The following SLC12A7 variants were observed in gnomAD, a reference collection of about 807,000 sequenced individuals.
The protein encoded by SLC12A7 is K-Cl cotransporter 4.
A neutral mutation model predicts 120.6 loss-of-function variants in SLC12A7; 100 were observed. The ratio of observed to expected loss-of-function variants is 0.83; its 90% CI spans 0.71 to 0.98. The LOEUF (loss-of-function observed/expected upper bound fraction) is 0.98, where lower values mean the gene tolerates loss of function less well. Ranked by LOEUF, SLC12A7 falls within the 50% of genes least tolerant of loss-of-function variation. The pLI is 0.00. For synonymous variants in SLC12A7, 760 were observed against 678.0 expected, an observed-to-expected ratio of 1.12 and a Z score of -1.88; for missense variants, 1,373 against 1,548.1, an observed-to-expected ratio of 0.89 and a Z score of 1.90.
intron 8 of SLC12A7, 101 bp downstream of exon 8, chr5:1,083,644 T>C (rs1739468277): frequency 4.8e-6 from 6 of 1,241,440 alleles, no homozygotes; most frequent in South Asian, 1.2e-5. Context: ...GCAGGAGGAA[T>C]TGGGGCCCTG....
At chr5:1,139,571 T>C in the SLC12A7 span, among the ~76,000 whole-genome samples, 1 of 152,196 alleles carries the variant, frequency 6.6e-6, no homozygotes, top group African/African-American at 2.4e-5. Flanking sequence ...CCTCGAGAAC[T>C]GTTTGGGCAG....
At chr5:1,064,869 G>A (rs539109277) in intron 18 of SLC12A7, among the ~76,000 whole-genome samples, 1 of 137,538 alleles carries the variant, frequency 7.3e-6, no homozygotes, top group African/African-American at 2.7e-5. Flanking sequence ...CGAGGGGACA[G>A]CGAGGGGACG....
At position 1,055,734 on chromosome 5, in the gene SLC12A7, C is replaced by T. The variant is rs937404070; in HGVS notation, c.3026+1737G>A. Among the ~76,000 whole-genome samples the T allele has an allele frequency of 1.1e-4, 17 of 152,242 alleles. 1 individual carries two copies. The highest frequency in any genetic ancestry group is 2.6e-4 in the Admixed American group (4 of 15,286). On this transcript the variant is annotated intron_variant, in intron 22 of 23. Coordinates refer to ENST00000264930, the MANE Select transcript of SLC12A7 (RefSeq NM_006598.3). ...TGTGTGTGCCTGTGCATGTGTGTGTCAAACCCTACTCCTGGGTCTACGTCG... is the reference window on the plus strand; with the variant it reads ...TGTGTGTGCCTGTGCATGTGTGTGTTAAACCCTACTCCTGGGTCTACGTCG...
Position 1,081,739 on chromosome 5 carries a change from G to A in SLC12A7, c.1135C>T (p.Leu379=), listed in dbSNP as rs1196628362. ...GAASGVFLEN[L]WSTYAHAGAF... ...CCCGCGTGCGCGTACGTACTCCACAGGTTCTCTGCCGGGCAAGGAAGATCC... is the reference window on the plus strand; with the variant it reads ...CCCGCGTGCGCGTACGTACTCCACAAGTTCTCTGCCGGGCAAGGAAGATCC... The change falls in exon 9 of 24, where the codon CTG becomes TTG. Residue 379 remains leucine, a synonymous_variant. Coordinates refer to ENST00000264930, the MANE Select transcript of SLC12A7 (RefSeq NM_006598.3). 2 of 1,611,034 alleles carry A rather than the reference G, an allele frequency of 1.2e-6. No homozygotes were observed. The highest frequency in any genetic ancestry group is 1.7e-6 in the Non-Finnish European group (2 of 1,178,520).
At chr5:1,082,695 C>T (rs895547677) in intron 8 of SLC12A7, among the ~76,000 whole-genome samples, 90 of 143,764 alleles carry the variant, frequency 6.3e-4, no homozygotes, top group Non-Finnish European at 1.0e-3. Flanking sequence ...CTGGAAAGTC[C>T]GGGCTTCCCA....
chr5:1,059,700 C>G (rs990275129), intron 21 of SLC12A7, among the ~76,000 whole-genome samples: 2 of 148,782 alleles, frequency 1.3e-5, no homozygotes, highest in African/African-American at 5.0e-5. Context: ...CCCACGGAGC[C>G]AAAGCCGCTG....
At chr5:1,075,110 C>T (rs772526984) in intron 15 of SLC12A7, among the ~76,000 whole-genome samples, 9 of 152,212 alleles carry the variant, frequency 5.9e-5, no homozygotes, top group South Asian at 2.1e-4. Context: ...GTGGGCTCAC[C>T]GCCTGCTGAG....
the SLC12A7 span, among the ~76,000 whole-genome samples, chr5:1,147,258 C>G: frequency 2.4e-3 from 340 of 141,130 alleles, 5 homozygotes; most frequent in African/African-American, 6.4e-3. Context: ...CCACCCCCCC[C>G]GCCCCCGCCT....
chr5:1,114,497 C>T (rs566448773), upstream of SLC12A7, among the ~76,000 whole-genome samples: 30 of 152,248 alleles, frequency 2.0e-4, no homozygotes, highest in African/African-American at 6.0e-4. Flanking sequence ...TGTGGGTTTC[C>T]GTGTCCACGT....
the SLC12A7 span, among the ~76,000 whole-genome samples, chr5:1,146,546 CAG>C: frequency 1.3e-5 from 2 of 152,218 alleles, no homozygotes; most frequent in Non-Finnish European, 2.9e-5. The surrounding 1 kb of genome is among the most constrained non-coding windows in gnomAD (Gnocchi z 6.5). Flanking sequence ...CAACGTTAAC[CAG>C]AAAGACTGCT....
chr5:1,069,181 GCAA>G (rs1737371502), intron 17 of SLC12A7, among the ~76,000 whole-genome samples: 1 of 152,270 alleles, frequency 6.6e-6, no homozygotes. Context: ...GCGAACCTGT[GCAA>G]CAGCCTGAGA....
chr5:1,091,511 GCA>G (rs1016823381), intron 3 of SLC12A7, among the ~76,000 whole-genome samples: 20 of 152,212 alleles, frequency 1.3e-4, no homozygotes, highest in African/African-American at 4.6e-4. Context: ...ACAAACTCCA[GCA>G]CACAGGCGGA....
At chr5:1,089,685 C>T (rs550449734) in intron 3 of SLC12A7, among the ~76,000 whole-genome samples, 3 of 152,332 alleles carry the variant, frequency 2.0e-5, no homozygotes, top group East Asian at 1.9e-4. Context: ...CAGATATCCA[C>T]GTGGGGGCCA....
At chr5:1,095,032 C>CA (rs1740968932) in intron 1 of SLC12A7, among the ~76,000 whole-genome samples, 2 of 64,352 alleles carry the variant, frequency 3.1e-5, no homozygotes, top group African/African-American at 1.7e-4. Flanking sequence ...CGGTAGGAGG[C>CA]GGGGGGCCGG....
chr5:1,111,761 G>T, intron 1 of SLC12A7, 107 bp downstream of exon 1: 2 of 1,080,284 alleles, frequency 1.9e-6, no homozygotes, highest in Non-Finnish European at 2.3e-6. Flanking sequence ...GGGAAGGGGC[G>T]CCTCCTGTAC....
the SLC12A7 span, among the ~76,000 whole-genome samples, chr5:1,117,694 C>G: frequency 6.6e-6 from 1 of 152,318 alleles, no homozygotes; most frequent in East Asian, 1.9e-4. The surrounding 1 kb of genome is among the most constrained non-coding windows in gnomAD (Gnocchi z 4.5). Flanking sequence ...AAAAGGACAG[C>G]TTCAATTCCC....
At chr5:1,123,074 G>A in the SLC12A7 span, among the ~76,000 whole-genome samples, 4 of 152,168 alleles carry the variant, frequency 2.6e-5, no homozygotes, top group Non-Finnish European at 2.9e-5. Flanking sequence ...CCTCCTAATC[G>A]TTCTGGCTGA....
At chr5:1,073,354 AC>A (rs1325159996) in intron 17 of SLC12A7, among the ~76,000 whole-genome samples, 3 of 152,336 alleles carry the variant, frequency 2.0e-5, no homozygotes, top group Non-Finnish European at 4.4e-5. Flanking sequence ...AACCATGATT[AC>A]GGCTCTGGAC....
rs139505830 is a variant in SLC12A7 at position 1,065,734 on chromosome 5, T to C, written c.2242-256A>G. 8.2e-4 allele frequency among the ~76,000 whole-genome samples: 125 copies of C among 152,166 alleles called. 2 individuals are homozygous for C. Among genetic ancestry groups the C allele is most frequent in the African/African-American group, 2.6e-3 (106 of 41,506 alleles). ...ACGTGCAGGGGATGTGGAGGGCTGC[T>C]CTGGGGACACAACGCCAGGCAGTTC... On this transcript the variant is annotated intron_variant, in intron 17 of 23. Transcript: ENST00000264930.
Sources: allele counts gnomAD v4.1 joint callset (sites outside exome capture counted in the v4.1 genomes callset), GRCh38; gene constraint gnomAD v4.1.1; non-coding constraint Gnocchi (gnomAD v3.1); transcripts MANE v1.5; gene names NCBI Gene and HGNC (gene_info 2026-07-23, HGNC 2026-07-21).